C9orf85: variants seen among roughly 807,000 people sequenced by gnomAD.
C9orf85 encodes uncharacterized protein C9orf85.
C9orf85 carries 16 observed loss-of-function variants against 14.9 expected under a neutral mutation model. The ratio of observed to expected loss-of-function variants is 1.08; its 90% CI spans 0.73 to 1.63. The LOEUF (loss-of-function observed/expected upper bound fraction) is 1.63, where lower values mean the gene tolerates loss of function less well. C9orf85 is among the 40% of genes most tolerant of loss of function. The pLI is 0.00. For missense variants in C9orf85, 172 were observed against 186.1 expected (o/e 0.92, Z 0.44); for synonymous variants, 45 against 56.8 (o/e 0.79, Z 0.93).
downstream of C9orf85, chr9:71,983,959 G>A (rs1274576184): frequency 6.6e-6 from 1 of 152,174 alleles, no homozygotes. Context: ...AGGAGGAGGT[G>A]ATTCAATCAG....
At chr9:71,934,543 G>A (rs2132281656) in intron 1 of C9orf85, among the ~76,000 whole-genome samples, 1 of 152,234 alleles carries the variant, frequency 6.6e-6, no homozygotes, top group South Asian at 2.1e-4. Flanking sequence ...GAGAAAATGT[G>A]TACAAATCAT....
chr9:71,940,390 T>A (rs527321872), intron 1 of C9orf85, among the ~76,000 whole-genome samples: 1 of 152,242 alleles, frequency 6.6e-6, no homozygotes, highest in African/African-American at 2.4e-5. Flanking sequence ...GCTATGATCA[T>A]GCCACTGCGC....
At chr9:71,942,334 G>A (rs1283670259) in intron 1 of C9orf85, among the ~76,000 whole-genome samples, 1 of 152,158 alleles carries the variant, frequency 6.6e-6, no homozygotes, top group Admixed American at 6.5e-5. Flanking sequence ...GAATACTTGT[G>A]CTGCTTCTGA....
intron 1 of C9orf85, among the ~76,000 whole-genome samples, chr9:71,918,263 A>G (rs1391704449): frequency 6.6e-6 from 1 of 152,164 alleles, no homozygotes; most frequent in African/African-American, 2.4e-5. Context: ...GTTTTGGGAA[A>G]GTTGAAGGAA....
chr9:71,978,253 G>A (rs374681373), downstream of C9orf85, among the ~76,000 whole-genome samples: 6 of 152,020 alleles, frequency 3.9e-5, no homozygotes, highest in East Asian at 9.7e-4. Context: ...GGGATTACAG[G>A]TGCCCGCCAC....
chr9:71,973,077 G>A lies in C9orf85; in HGVS notation c.*235G>A, dbSNP rs759243869. On this transcript the variant is annotated 3_prime_UTR_variant, in exon 4 of 4. Coordinates refer to ENST00000334731, the MANE Select transcript of C9orf85 (RefSeq NM_182505.5). The stretch of plus-strand genomic sequence containing the variant: ...GGAGGATTGCTTGAACCCTGGAGGC[G>A]GAGATTGAAGTGAGCTGAGTTCGTG... 1.6e-4 allele frequency: 33 copies of A among 201,826 alleles called. No individual in the cohort carries two copies. The highest frequency in any genetic ancestry group is 2.8e-4 in the Non-Finnish European group (28 of 98,836). The allele number at this position is 201,826 out of a possible 1,614,324, so 12.5% of individuals were successfully genotyped here.
chr9:71,943,364 G>A (rs1821991748), intron 1 of C9orf85, among the ~76,000 whole-genome samples: 1 of 151,892 alleles, frequency 6.6e-6, no homozygotes, highest in African/African-American at 2.4e-5. Context: ...AATTATTTTA[G>A]TTGCTTTTGA....
intron 3 of C9orf85, among the ~76,000 whole-genome samples, chr9:71,980,742 G>A (rs1035745158): frequency 2.6e-5 from 4 of 152,098 alleles, no homozygotes; most frequent in African/African-American, 9.7e-5. Context: ...ATTTAGAAGT[G>A]TAACTAAACA....
At chr9:71,968,784 G>GTTCT (rs1480125568) in intron 2 of C9orf85, among the ~76,000 whole-genome samples, 1 of 152,156 alleles carries the variant, frequency 6.6e-6, no homozygotes, top group Non-Finnish European at 1.5e-5. Context: ...AGGGGAAGGG[G>GTTCT]TTCTTATCCC....
intron 2 of C9orf85, among the ~76,000 whole-genome samples, chr9:71,960,555 C>T (rs181941467): frequency 5.7e-4 from 86 of 152,172 alleles, no homozygotes; most frequent in Admixed American, 1.5e-3. Context: ...TAAACAGTTA[C>T]ATTTTACAGG....
chr9:71,918,500 C>A, intron 1 of C9orf85: 1 of 1,245,926 alleles, frequency 8.0e-7, no homozygotes, highest in African/African-American at 1.5e-5. Flanking sequence ...CCCCGACCCC[C>A]GCATCGGTCC....
chr9:71,952,751 G>C (rs1822282156), intron 2 of C9orf85, among the ~76,000 whole-genome samples: 1 of 151,990 alleles, frequency 6.6e-6, no homozygotes, highest in African/African-American at 2.4e-5. Context: ...CTGGTACCTA[G>C]AAACCTTTTT....
intron 1 of C9orf85, among the ~76,000 whole-genome samples, chr9:71,915,136 T>G (rs1827614342): frequency 6.6e-6 from 1 of 152,114 alleles, no homozygotes; most frequent in African/African-American, 2.4e-5. Context: ...TTGTCTTACT[T>G]TCCTCTGAGG....
intron 1 of C9orf85, among the ~76,000 whole-genome samples, chr9:71,931,028 A>G (rs918264776): frequency 6.6e-6 from 1 of 152,160 alleles, no homozygotes; most frequent in African/African-American, 2.4e-5. Context: ...TTTCAGGAAT[A>G]GGAATAAAGG....
At chr9:71,930,470 T>C (rs962403130) in intron 1 of C9orf85, among the ~76,000 whole-genome samples, 1 of 151,962 alleles carries the variant, frequency 6.6e-6, no homozygotes, top group Non-Finnish European at 1.5e-5. Context: ...TTTCTGTATA[T>C]GATGATGAAG....
At chr9:71,982,351 A>G (rs1249316633) in intron 3 of C9orf85, among the ~76,000 whole-genome samples, 1 of 152,046 alleles carries the variant, frequency 6.6e-6, no homozygotes, top group Non-Finnish European at 1.5e-5. Context: ...GAACACTTGC[A>G]TGCAAACTCT....
intron 2 of C9orf85, among the ~76,000 whole-genome samples, chr9:71,960,099 C>A (rs1822477415): frequency 6.6e-6 from 1 of 152,018 alleles, no homozygotes; most frequent in African/African-American, 2.4e-5. Context: ...GCAGAGGACA[C>A]AAGGTAAGGC....
chr9:71,945,517 A>T (rs1822063227), intron 1 of C9orf85, among the ~76,000 whole-genome samples: 1 of 152,232 alleles, frequency 6.6e-6, no homozygotes, highest in South Asian at 2.1e-4. Flanking sequence ...ACACTTCCTG[A>T]TGGTGAAGAT....
intron 2 of C9orf85, among the ~76,000 whole-genome samples, chr9:71,968,270 T>G (rs1244298516): frequency 2.0e-5 from 3 of 152,160 alleles, no homozygotes; most frequent in African/African-American, 7.2e-5. Context: ...TGTTTGCTTT[T>G]TTTTTGTCTT....
Sources: gnomAD v4.1 joint callset for allele counts (sites outside exome capture counted in the v4.1 genomes callset) on GRCh38, gnomAD v4.1.1 for gene constraint, MANE v1.5 for transcripts, NCBI Gene and HGNC (gene_info 2026-07-23, HGNC 2026-07-21) for gene names.